The following REPS2 variants were observed in gnomAD, a reference collection of about 807,000 sequenced individuals.
REPS2 encodes the protein RALBP1 associated Eps domain containing 2, also known as ralBP1-associated Eps domain-containing protein 2.
Under a neutral mutation model 53.6 loss-of-function variants are expected in REPS2, and 23 were observed. The observed-to-expected ratio is 0.43, with a 90% confidence interval of 0.31 to 0.61. The LOEUF (loss-of-function observed/expected upper bound fraction) is 0.61, where lower values mean the gene tolerates loss of function less well. Ranked by LOEUF, REPS2 falls within the 20% of genes least tolerant of loss-of-function variation. The probability of loss-of-function intolerance (pLI) is 0.11; values close to 1 mark genes in which losing one functional copy is unlikely to be tolerated. For synonymous variants in REPS2, 238 were observed against 218.6 expected (o/e 1.09, Z -0.78); for missense variants, 446 against 534.9 (o/e 0.83, Z 1.64).
chrX:17,012,380 AAACAACAACAAC>A (rs370794081), intron 2 of REPS2, among the ~76,000 whole-genome samples: 2 of 101,904 alleles, frequency 2.0e-5, no homozygotes, highest in Admixed American at 2.2e-4. Context: ...TGCCATCTCA[AAACAACAACAAC>A]AACAACAACA....
In REPS2 at chrX:17,121,663, C is replaced by T. The variant is rs1209362094; in HGVS notation, c.1579-12161C>T. On this transcript the variant is annotated intron_variant, in intron 14 of 17. Coordinates refer to ENST00000357277, the MANE Select transcript of REPS2 (RefSeq NM_004726.3). ...TCTTGTTTATGTTTAACTTGTGCCA[C>T]TAGGTGGCACTTTAAGGACATTACA... 6.2e-5 allele frequency among the ~76,000 whole-genome samples: 7 copies of T among 112,381 alleles called. No individual in the cohort carries two copies. In the East Asian group the frequency reaches 2.0e-3, roughly 31 times the overall value.
intron 6 of REPS2, among the ~76,000 whole-genome samples, chrX:17,051,463 T>A (rs1336858554): frequency 1.8e-5 from 2 of 112,143 alleles, no homozygotes; most frequent in East Asian, 5.6e-4. Context: ...TTGTACTAAT[T>A]CCCACCAACA....
intron 1 of REPS2, among the ~76,000 whole-genome samples, chrX:16,960,107 T>C (rs764037648): frequency 4.3e-4 from 48 of 111,724 alleles, no homozygotes; most frequent in African/African-American, 1.5e-3. Context: ...CTCACACCTA[T>C]AATCCCAACA....
At chrX:17,036,248 G>A (rs2147882027) in intron 5 of REPS2, among the ~76,000 whole-genome samples, 1 of 112,778 alleles carries the variant, frequency 8.9e-6, no homozygotes. Context: ...TGAAAACAAT[G>A]TGCTAACAAA....
intron 14 of REPS2, among the ~76,000 whole-genome samples, chrX:17,118,554 G>C (rs1344805408): frequency 8.9e-6 from 1 of 112,298 alleles, no homozygotes; most frequent in East Asian, 2.8e-4. Flanking sequence ...CAGTTGGTAA[G>C]TAAGCCAGCC....
At chrX:17,048,615 C>T in intron 6 of REPS2, among the ~76,000 whole-genome samples, 1 of 112,374 alleles carries the variant, frequency 8.9e-6, no homozygotes, top group Non-Finnish European at 1.9e-5. Context: ...CTCTTACCTA[C>T]AGTTAACACA....
rs150270343 is a variant in REPS2, at chrX:17,122,517, T to A, written c.1579-11307T>A. Among the ~76,000 whole-genome samples, 555 of 112,186 alleles carry A rather than the reference T, an allele frequency of 4.9e-3. 5 individuals carry two copies. The highest frequency in any genetic ancestry group is 0.016 in the African/African-American group (509 of 30,872). ...GAACACTCGTATCCAAGTTGTTGAGTGGATGAGTGTTTTCATTTCTCTTGG... is the reference window on the plus strand; with the variant it reads ...GAACACTCGTATCCAAGTTGTTGAGAGGATGAGTGTTTTCATTTCTCTTGG... On this transcript the variant is annotated intron_variant, in intron 14 of 17. Transcript: ENST00000357277.
the REPS2 span, among the ~76,000 whole-genome samples, chrX:17,191,477 C>T: frequency 8.9e-6 from 1 of 112,380 alleles, no homozygotes; most frequent in Admixed American, 9.4e-5. Flanking sequence ...AGCTCTCATA[C>T]GTTGCTAGTG....
At chrX:17,021,424 A>T (rs1174202611) in intron 2 of REPS2, among the ~76,000 whole-genome samples, 1 of 112,657 alleles carries the variant, frequency 8.9e-6, no homozygotes, top group Admixed American at 9.4e-5. Flanking sequence ...GATTGCTCTG[A>T]CTTGATATTG....
chrX:16,951,405 G>A (rs2060503763), intron 1 of REPS2, among the ~76,000 whole-genome samples: 2 of 109,750 alleles, frequency 1.8e-5, no homozygotes, highest in South Asian at 3.9e-4. Flanking sequence ...AGTGGCTCAC[G>A]CCTATAAATC....
chrX:17,084,771 T>A (rs1652966552), intron 13 of REPS2, among the ~76,000 whole-genome samples: 1 of 112,531 alleles, frequency 8.9e-6, no homozygotes, highest in Non-Finnish European at 1.9e-5. Flanking sequence ...ATGTTCTTTA[T>A]ATATTTTGCA....
chrX:17,136,892 A>G (rs1163582584), intron 16 of REPS2: 1 of 112,472 alleles, frequency 8.9e-6, no homozygotes, highest in Non-Finnish European at 1.9e-5. Context: ...GAATAATGAA[A>G]CGTGGTCTTT....
At chrX:16,971,966 C>T (rs1409684887) in intron 1 of REPS2, among the ~76,000 whole-genome samples, 1 of 111,807 alleles carries the variant, frequency 8.9e-6, no homozygotes, top group Admixed American at 9.5e-5. Context: ...TTATATGCAT[C>T]AAAACTTGCA....
chrX:17,042,481 C>T (rs751024690), intron 5 of REPS2, among the ~76,000 whole-genome samples: 15 of 111,686 alleles, frequency 1.3e-4, no homozygotes, highest in African/African-American at 3.9e-4. Context: ...CTGGGTCCTG[C>T]GGTGACATGG....
intron 13 of REPS2, among the ~76,000 whole-genome samples, chrX:17,086,966 C>T (rs1468041103): frequency 8.9e-6 from 1 of 112,101 alleles, no homozygotes; most frequent in Non-Finnish European, 1.9e-5. Context: ...TAATCAATGT[C>T]ACAGTTGTGT....
chrX:17,006,357 C>G lies in REPS2; in HGVS notation c.397+13C>G, dbSNP rs754718605. The G allele has an allele frequency of 1.7e-4, 205 of 1,201,629 alleles. No homozygotes were observed. The highest frequency in any genetic ancestry group is 2.2e-4 in the Non-Finnish European group (199 of 889,093). ...AGTATTAAATGTGGTGAGTATCTCA[C>G]ATTTGTATGTTTTATTGTCCATGGC... On this transcript the variant is annotated intron_variant, in intron 2 of 17. Transcript: ENST00000357277.
chrX:17,159,212 G>T, the REPS2 span, among the ~76,000 whole-genome samples: 1 of 111,669 alleles, frequency 9.0e-6, no homozygotes, highest in Non-Finnish European at 1.9e-5. Flanking sequence ...ATACTTTAGA[G>T]ACCTGGGAAG....
At chrX:17,064,504 A>G (rs2062201113) in intron 9 of REPS2, among the ~76,000 whole-genome samples, 2 of 112,173 alleles carry the variant, frequency 1.8e-5, no homozygotes, top group Non-Finnish European at 3.8e-5. Context: ...ATCTTTTTCT[A>G]AAGACAGCAG....
At chrX:17,061,393 G>A (rs2062157186) in intron 8 of REPS2, among the ~76,000 whole-genome samples, 1 of 112,076 alleles carries the variant, frequency 8.9e-6, no homozygotes, top group South Asian at 3.7e-4. Flanking sequence ...TCCTGCCTTG[G>A]CCTCCCAAAG....
Sources: gnomAD v4.1 joint callset for allele counts (sites outside exome capture counted in the v4.1 genomes callset) on GRCh38, gnomAD v4.1.1 for gene constraint, MANE v1.5 for transcripts, NCBI Gene and HGNC (gene_info 2026-07-23, HGNC 2026-07-21) for gene names.